The following PARD3B variants were observed in gnomAD, a reference collection of about 807,000 sequenced individuals.
The protein encoded by PARD3B is partitioning defective 3 homolog B.
A neutral mutation model predicts 130.2 loss-of-function variants in PARD3B; 103 were observed. The observed-to-expected ratio is 0.79, with a 90% CI of 0.67 to 0.93. The LOEUF (loss-of-function observed/expected upper bound fraction) is 0.93. PARD3B is among the 40% of genes least tolerant of loss of function. The pLI is 0.00. For missense variants in PARD3B, 1,609 were observed against 1,499.2 expected, an observed-to-expected ratio of 1.07 and a Z score of -1.21; for synonymous variants, 583 against 553.2, an observed-to-expected ratio of 1.05 and a Z score of -0.76.
intron 10 of PARD3B, among the ~76,000 whole-genome samples, chr2:205,126,739 C>T (rs1361378986): frequency 2.0e-5 from 2 of 101,708 alleles, no homozygotes; most frequent in African/African-American, 4.2e-5. Context: ...GGCGACAGAG[C>T]GAGACTCCGT....
chr2:204,700,469 G>T (rs2037837021), intron 2 of PARD3B, among the ~76,000 whole-genome samples: 2 of 152,016 alleles, frequency 1.3e-5, no homozygotes, highest in African/African-American at 4.8e-5. Flanking sequence ...ATTTGATAGT[G>T]TCTTCATATA....
chr2:205,349,801 T>TC (rs1553682357), intron 18 of PARD3B, among the ~76,000 whole-genome samples: 9 of 9,380 alleles, frequency 9.6e-4, no homozygotes, highest in Admixed American at 8.9e-3. Context: ...TCTTTTTCTC[T>TC]TTTTTTTTTT....
At chr2:205,174,429 C>T (rs1343649181) in intron 12 of PARD3B, among the ~76,000 whole-genome samples, 2 of 152,104 alleles carry the variant, frequency 1.3e-5, no homozygotes, top group Admixed American at 1.3e-4. Flanking sequence ...TCTGCGGTAC[C>T]CATGAAGATT....
At chr2:204,873,902 G>A (rs2045735809) in intron 2 of PARD3B, among the ~76,000 whole-genome samples, 1 of 152,152 alleles carries the variant, frequency 6.6e-6, no homozygotes, top group African/African-American at 2.4e-5. Flanking sequence ...CAGCACTTTG[G>A]GAGGCTGAGG....
chr2:205,304,860 G>A (rs12622101), intron 18 of PARD3B, among the ~76,000 whole-genome samples: 84,760 of 152,052 alleles, frequency 0.56, 27,337 homozygotes, highest in South Asian at 0.75. Context: ...TGGGAGGATT[G>A]ACTTAGCCTG....
chr2:204,687,330 C>A (rs1012125854), intron 2 of PARD3B, among the ~76,000 whole-genome samples: 1 of 151,876 alleles, frequency 6.6e-6, no homozygotes, highest in African/African-American at 2.4e-5. Flanking sequence ...TTGTTATTAG[C>A]GATTTTATAG....
intron 4 of PARD3B, among the ~76,000 whole-genome samples, chr2:205,053,845 G>A (rs981520961): frequency 5.9e-5 from 9 of 151,990 alleles, no homozygotes; most frequent in South Asian, 4.2e-4. Flanking sequence ...GGGAGAAATA[G>A]CATGTAATAT....
At chr2:205,250,330 C>T (rs961784353) in intron 16 of PARD3B, among the ~76,000 whole-genome samples, 4 of 151,954 alleles carry the variant, frequency 2.6e-5, no homozygotes, top group African/African-American at 9.7e-5. Flanking sequence ...TGATGCAGTA[C>T]TGAAGAAGGC....
intron 18 of PARD3B, among the ~76,000 whole-genome samples, chr2:205,302,208 A>G (rs1419361800): frequency 6.6e-6 from 1 of 151,138 alleles, no homozygotes; most frequent in African/African-American, 2.4e-5. Flanking sequence ...AGCTGAGACT[A>G]TAGGCATGCA....
rs2125575825 is a variant in PARD3B, at chr2:205,104,467, T to C, written c.546T>C (p.Gly182=). The C allele has an allele frequency of 1.9e-6, 3 of 1,603,536 alleles. No homozygotes were observed. Among genetic ancestry groups the C allele is most frequent in the Non-Finnish European group, 2.6e-6 (3 of 1,170,542 alleles). ...QNLEDREVLN[G]VQTELLTSPR... is the part of the protein sequence containing the mutation. ...TGGAAGACAGAGAAGTTTTGAATGGTGTACAGACAGAACTACTAACTTCGC... is the reference window on the plus strand; with the variant it reads ...TGGAAGACAGAGAAGTTTTGAATGGCGTACAGACAGAACTACTAACTTCGC... Residue 182 remains glycine (G), a synonymous_variant, in exon 5 of 23, where the codon GGT becomes GGC. Transcript: ENST00000406610.
intron 18 of PARD3B, among the ~76,000 whole-genome samples, chr2:205,326,731 A>G (rs994333046): frequency 6.6e-6 from 1 of 152,166 alleles, no homozygotes; most frequent in East Asian, 1.9e-4. Flanking sequence ...GGTCAAATCT[A>G]TGTGGAAGAA....
At chr2:205,359,710 G>A (rs1213199654) in intron 18 of PARD3B, among the ~76,000 whole-genome samples, 1 of 152,036 alleles carries the variant, frequency 6.6e-6, no homozygotes, top group Non-Finnish European at 1.5e-5. Flanking sequence ...ACTCAGCATT[G>A]TTTTTAATAT....
Position 205,493,943 on chromosome 2 carries a change from TAG to T in PARD3B, c.3045-5949_3045-5948del, listed in dbSNP as rs1046144865. Among the ~76,000 whole-genome samples, 220 of 152,088 alleles carry T rather than the reference TAG, an allele frequency of 1.4e-3. 2 individuals carry two copies. Among genetic ancestry groups the T allele is most frequent in the Non-Finnish European group, 2.9e-3 (194 of 67,970 alleles). On this transcript the variant is annotated intron_variant, in intron 20 of 22. Coordinates refer to ENST00000406610, the MANE Select transcript of PARD3B (RefSeq NM_001302769.2). ...AGCTAATTTTTTTTTGTATTTTTAGTAGAGATGGGGTTTCACCATGTTGGCCA... is the reference window on the plus strand; with the variant it reads ...AGCTAATTTTTTTTTGTATTTTTAGTAGATGGGGTTTCACCATGTTGGCCA...
At chr2:205,493,923 A>T (rs1473776799) in intron 20 of PARD3B, among the ~76,000 whole-genome samples, 1 of 150,456 alleles carries the variant, frequency 6.6e-6, no homozygotes, top group Non-Finnish European at 1.5e-5. Flanking sequence ...ATACCAGCTA[A>T]TTTTTTTTTG....
At chr2:204,679,017 C>G (rs1227488615) in intron 1 of PARD3B, among the ~76,000 whole-genome samples, 1 of 152,090 alleles carries the variant, frequency 6.6e-6, no homozygotes, top group Non-Finnish European at 1.5e-5. Flanking sequence ...AATTATGCCT[C>G]TTTTTGAACT....
intron 2 of PARD3B, among the ~76,000 whole-genome samples, chr2:204,725,254 G>GGA (rs976309808): frequency 6.6e-6 from 1 of 152,160 alleles, no homozygotes; most frequent in Admixed American, 6.5e-5. Flanking sequence ...ACATGATTAA[G>GGA]GAGAATGTTA....
intron 15 of PARD3B, among the ~76,000 whole-genome samples, chr2:205,218,981 G>A (rs945748593): frequency 1.3e-5 from 2 of 151,992 alleles, no homozygotes; most frequent in Non-Finnish European, 2.9e-5. Context: ...TCGGGAGGCT[G>A]AAGCAGGAGA....
intron 16 of PARD3B, among the ~76,000 whole-genome samples, chr2:205,255,360 C>T (rs2040036517): frequency 6.6e-6 from 1 of 152,248 alleles, no homozygotes; most frequent in South Asian, 2.1e-4. Context: ...GAATACTAAG[C>T]ACAGCACAGA....
intron 14 of PARD3B, among the ~76,000 whole-genome samples, chr2:205,188,783 C>CAAA (rs68034154): frequency 3.1e-5 from 3 of 97,392 alleles, no homozygotes; most frequent in African/African-American, 7.5e-5. Flanking sequence ...TTCTGCCTTT[C>CAAA]AAAAAAAAAA....
Sources: allele counts gnomAD v4.1 joint callset (sites outside exome capture counted in the v4.1 genomes callset), GRCh38; gene constraint gnomAD v4.1.1; transcripts MANE v1.5; gene names NCBI Gene and HGNC (gene_info 2026-07-23, HGNC 2026-07-21).